Variants in SYNE1 observed in about 807,000 individuals in gnomAD.
SYNE1 encodes spectrin repeat containing nuclear envelope protein 1, also known as nesprin-1.
SYNE1 carries 616 observed loss-of-function variants against 1,111.0 expected under a neutral mutation model. The ratio of observed to expected loss-of-function variants is 0.55; its 90% CI spans 0.52 to 0.59. The LOEUF (loss-of-function observed/expected upper bound fraction) is 0.59, where lower values mean the gene tolerates loss of function less well. Ranked by LOEUF, SYNE1 falls within the 20% of genes least tolerant of loss-of-function variation. The pLI is 0.00. For missense variants in SYNE1, 10,006 were observed against 10,417.0 expected, an observed-to-expected ratio of 0.96 and a Z score of 1.72; for synonymous variants, 3,855 against 3,825.8, an observed-to-expected ratio of 1.01 and a Z score of -0.28.
chr6:152,358,118 G>A (rs553855568), intron 66 of SYNE1, among the ~76,000 whole-genome samples: 1 of 152,298 alleles, frequency 6.6e-6, no homozygotes, highest in Admixed American at 6.5e-5. Context: ...CCAGCCATTT[G>A]TCAGGGCCAC....
At position 152,224,480 on chromosome 6, in the gene SYNE1, A is replaced by C. The variant is rs201504700; in HGVS notation, c.21522+14T>G. On this transcript the variant is annotated intron_variant, in intron 117 of 145. Coordinates refer to ENST00000367255, the MANE Select transcript of SYNE1 (RefSeq NM_182961.4). The stretch of plus-strand genomic sequence containing the variant: ...TAAAATGAACGTTAAGGATGTGTTA[A>C]ATTAATTCCTTACCTGAAGATTGTC... The C allele has an allele frequency of 3.1e-6, 5 of 1,612,650 alleles. No individual in the cohort carries two copies. The highest frequency in any genetic ancestry group is 4.2e-6 in the Non-Finnish European group (5 of 1,178,832).
At chr6:152,474,665 T>G (rs1349194608) in intron 14 of SYNE1, 1 of 152,222 alleles carries the variant, frequency 6.6e-6, no homozygotes, top group African/African-American at 2.4e-5. Flanking sequence ...AATTTAATAC[T>G]TGACAACAAT....
In SYNE1 at chr6:152,502,621, G is replaced by A; in HGVS notation, c.888+12C>T. ...CATATACCAGTGATACTTGAAGAAA[G>A]CAAATACCTACATCATCCTCTTGCC... On this transcript the variant is annotated intron_variant, in intron 10 of 145. Coordinates refer to ENST00000367255, the MANE Select transcript of SYNE1 (RefSeq NM_182961.4). 2 of 1,598,980 alleles carry A rather than the reference G, an allele frequency of 1.3e-6. No homozygotes were observed. Among genetic ancestry groups the A allele is most frequent in the South Asian group, 2.2e-5 (2 of 90,816 alleles).
chr6:152,240,636 T>C (rs774579272), intron 107 of SYNE1, among the ~76,000 whole-genome samples: 3 of 152,252 alleles, frequency 2.0e-5, no homozygotes, highest in Non-Finnish European at 4.4e-5. Flanking sequence ...ACATTAATTA[T>C]GTGCTTACTG....
chr6:152,295,305 T>C (rs1483037405), intron 93 of SYNE1, among the ~76,000 whole-genome samples: 1 of 152,180 alleles, frequency 6.6e-6, no homozygotes, highest in Non-Finnish European at 1.5e-5. Flanking sequence ...CAACATTTAT[T>C]GATGATATTG....
chr6:152,566,251 G>A (rs2099413057), intron 3 of SYNE1, among the ~76,000 whole-genome samples: 1 of 152,096 alleles, frequency 6.6e-6, no homozygotes. Context: ...GATGACGCAA[G>A]GTAACACAGA....
At chr6:152,449,670 A>T in intron 27 of SYNE1, 29 bp from the exon 28 acceptor site, 1 of 1,482,136 alleles carries the variant, frequency 6.7e-7, no homozygotes, top group South Asian at 1.1e-5. Flanking sequence ...TTTCTTATTA[A>T]AGGGAGAACA....
In SYNE1 at chr6:152,364,846, C is replaced by T. The variant is rs1563391747; in HGVS notation, c.10145+1G>A. ...CAGTGCTTGGCTGTAGTTTCCCTCA[C>T]CTTTTACAACGAATCCCTGCAGACA... On this transcript the variant is annotated splice_donor_variant, in intron 63 of 145. Transcript: ENST00000367255. LOFTEE classifies it high-confidence loss of function. The T allele has an allele frequency of 2.5e-6, 4 of 1,614,154 alleles. No homozygotes were observed. The highest frequency in any genetic ancestry group is 3.4e-6 in the Non-Finnish European group (4 of 1,180,040).
chr6:152,508,621 G>T (rs2099070045), intron 8 of SYNE1, among the ~76,000 whole-genome samples: 1 of 152,158 alleles, frequency 6.6e-6, no homozygotes, highest in Non-Finnish European at 1.5e-5. Context: ...AAGTTTAATT[G>T]CAATAGCATC....
At chr6:152,570,459 C>T (rs2099445886) in intron 3 of SYNE1, among the ~76,000 whole-genome samples, 1 of 152,156 alleles carries the variant, frequency 6.6e-6, no homozygotes, top group South Asian at 2.1e-4. Flanking sequence ...ATGGGGTAGT[C>T]AGTGAGATCT....
intron 131 of SYNE1, among the ~76,000 whole-genome samples, chr6:152,162,500 C>T (rs1045996336): frequency 1.3e-5 from 2 of 152,098 alleles, no homozygotes; most frequent in Non-Finnish European, 2.9e-5. Context: ...TGTGAAATTA[C>T]GATACCCGCC....
At chr6:152,317,534 C>T (rs190000252) in intron 86 of SYNE1, among the ~76,000 whole-genome samples, 16 of 152,222 alleles carry the variant, frequency 1.1e-4, no homozygotes, top group Non-Finnish European at 2.1e-4. Flanking sequence ...TCCCTTCCTT[C>T]ACCCTCCCCT....
chr6:152,245,001 G>A (rs540130901), intron 105 of SYNE1, among the ~76,000 whole-genome samples: 20 of 152,302 alleles, frequency 1.3e-4, no homozygotes, highest in African/African-American at 4.6e-4. Flanking sequence ...TTAAAAAAAG[G>A]TATTTGCCTG....
chr6:152,141,298 A>C lies in SYNE1; in HGVS notation c.25151T>G (p.Ile8384Arg). 6.2e-7 allele frequency: 1 copy of C among 1,614,176 alleles called. No homozygotes were observed. The highest frequency in any genetic ancestry group is 1.3e-5 in the African/African-American group (1 of 75,056). Residue 8384 changes from isoleucine (I) to arginine (R), a missense_variant, in exon 139 of 146, where the codon ATA becomes AGA. Coordinates refer to ENST00000367255, the MANE Select transcript of SYNE1 (RefSeq NM_182961.4). The part of the protein sequence containing the change: ...MKLLGECSSS[I>R]DSVKRLEHKL... ...GTGCTCCAGTCTCTTCACGGAGTCT[A>C]TACTGCTACTGCATTCGCCCAGCAG...
chr6:152,381,367 A>G lies in SYNE1; in HGVS notation c.8653-5T>C. ...CTCTCTGGAATCTATCAGCTCCTGTAATGGAATATCACCATGGTAACTGAA... is the reference window on the plus strand; with the variant it reads ...CTCTCTGGAATCTATCAGCTCCTGTGATGGAATATCACCATGGTAACTGAA... On this transcript the variant is annotated splice_polypyrimidine_tract_variant and splice_region_variant and intron_variant, in intron 55 of 145. Coordinates refer to ENST00000367255, the MANE Select transcript of SYNE1 (RefSeq NM_182961.4). 1 of 1,612,730 alleles carries G rather than the reference A, an allele frequency of 6.2e-7. No homozygotes were observed. Among genetic ancestry groups the G allele is most frequent in the Non-Finnish European group, 8.5e-7 (1 of 1,179,890 alleles).
At chr6:152,328,468 T>C (rs893746234) in intron 78 of SYNE1, among the ~76,000 whole-genome samples, 2 of 151,836 alleles carry the variant, frequency 1.3e-5, no homozygotes, top group African/African-American at 4.8e-5. Context: ...TGCAATGTCA[T>C]GATCTCGGCT....
chr6:152,165,925 C>G (rs571382208), intron 130 of SYNE1, among the ~76,000 whole-genome samples: 2 of 152,296 alleles, frequency 1.3e-5, no homozygotes, highest in South Asian at 4.1e-4. Context: ...CCATAGTGCC[C>G]CAGACTGAAA....
intron 3 of SYNE1, among the ~76,000 whole-genome samples, chr6:152,554,250 T>C (rs980000008): frequency 2.6e-5 from 4 of 152,120 alleles, no homozygotes; most frequent in Non-Finnish European, 5.9e-5. Flanking sequence ...CCAATAATAA[T>C]GAGATCAGTA....
At chr6:152,276,880 T>C (rs935345202) in intron 98 of SYNE1, among the ~76,000 whole-genome samples, 8 of 134,480 alleles carry the variant, frequency 5.9e-5, no homozygotes, top group Non-Finnish European at 9.5e-5. Context: ...TCTGCACTCT[T>C]TTTTTTTTTT....
Sources: allele counts gnomAD v4.1 joint callset (sites outside exome capture counted in the v4.1 genomes callset), GRCh38; gene constraint gnomAD v4.1.1; transcripts MANE v1.5; gene names NCBI Gene and HGNC (gene_info 2026-07-23, HGNC 2026-07-21).